The following SMYD3 variants were observed in gnomAD, a reference collection of about 807,000 sequenced individuals.
The protein encoded by SMYD3 is histone-lysine N-methyltransferase SMYD3.
SMYD3 carries 36 observed loss-of-function variants against 57.7 expected under a neutral mutation model. The ratio of observed to expected loss-of-function variants is 0.62; its 90% CI spans 0.48 to 0.82. The LOEUF (loss-of-function observed/expected upper bound fraction) is 0.82, where lower values mean the gene tolerates loss of function less well. Among genes scored for constraint, SMYD3 ranks in the 40% least tolerant of loss-of-function variants. The pLI is 0.00. For synonymous variants in SMYD3, 211 were observed against 195.0 expected (o/e 1.08, Z -0.68); for missense variants, 515 against 538.8 (o/e 0.96, Z 0.44).
intron 5 of SMYD3, among the ~76,000 whole-genome samples, chr1:246,031,655 T>G (rs1008056669): frequency 2.7e-5 from 4 of 150,740 alleles, no homozygotes; most frequent in African/African-American, 4.9e-5. Context: ...GAGAATCGCT[T>G]GAACCAGGGA....
chr1:245,993,579 AAGATAGATAGAT>A (rs1210624302), intron 5 of SMYD3, among the ~76,000 whole-genome samples: 394 of 30,080 alleles, frequency 0.013, 4 homozygotes, highest in African/African-American at 0.022. Context: ...AAAAAAAAAA[AAGATAGATAGAT>A]AGATAGATAG....
chr1:246,185,678 G>A (rs2062627801), intron 5 of SMYD3, among the ~76,000 whole-genome samples: 1 of 152,064 alleles, frequency 6.6e-6, no homozygotes, highest in Admixed American at 6.6e-5. Flanking sequence ...AGCCAGGATG[G>A]TCTCGATCTC....
At chr1:246,142,001 G>A (rs1007778052) in intron 5 of SMYD3, among the ~76,000 whole-genome samples, 30 of 152,320 alleles carry the variant, frequency 2.0e-4, no homozygotes, top group African/African-American at 6.7e-4. Context: ...TTGCTCAGAA[G>A]ATAGCAGTCA....
At chr1:246,367,453 T>C (rs1017047185) in intron 1 of SMYD3, among the ~76,000 whole-genome samples, 2 of 152,222 alleles carry the variant, frequency 1.3e-5, no homozygotes, top group African/African-American at 4.8e-5. Flanking sequence ...AACATGCTGT[T>C]TGCAGAGTGT....
intron 8 of SMYD3, among the ~76,000 whole-genome samples, chr1:245,893,723 T>C (rs2053545044): frequency 1.3e-5 from 2 of 149,028 alleles, no homozygotes. Flanking sequence ...ACGAAGGAAT[T>C]TGGGAGTGGT....
intron 5 of SMYD3, among the ~76,000 whole-genome samples, chr1:246,058,020 G>A (rs1288680317): frequency 2.6e-5 from 4 of 152,186 alleles, no homozygotes; most frequent in Admixed American, 6.5e-5. Flanking sequence ...GTATGATCCC[G>A]ATTATATAGC....
chr1:246,486,824 C>G (rs868537178), intron 1 of SMYD3, among the ~76,000 whole-genome samples: 2 of 152,200 alleles, frequency 1.3e-5, no homozygotes, highest in East Asian at 3.8e-4. Flanking sequence ...TCATCATACT[C>G]ATTCTCATTG....
chr1:245,795,339 T>C (rs1415332928), intron 10 of SMYD3, among the ~76,000 whole-genome samples: 1 of 152,228 alleles, frequency 6.6e-6, no homozygotes, highest in Non-Finnish European at 1.5e-5. Flanking sequence ...CCCATCATAG[T>C]GAGGATGTCC....
chr1:245,956,485 T>C (rs2057844648), intron 5 of SMYD3, among the ~76,000 whole-genome samples: 1 of 152,220 alleles, frequency 6.6e-6, no homozygotes, highest in African/African-American at 2.4e-5. Flanking sequence ...GTTGGGTGCC[T>C]ACCCCTAGCG....
chr1:245,897,640 A>T (rs2053910393), intron 8 of SMYD3, among the ~76,000 whole-genome samples: 1 of 152,162 alleles, frequency 6.6e-6, no homozygotes, highest in African/African-American at 2.4e-5. Flanking sequence ...CACACCTGTA[A>T]TCCCAGCACT....
At chr1:245,942,897 T>C (rs975136803) in intron 5 of SMYD3, among the ~76,000 whole-genome samples, 4 of 152,004 alleles carry the variant, frequency 2.6e-5, no homozygotes, top group African/African-American at 7.2e-5. Flanking sequence ...GGGTAAATAA[T>C]GAAATTGAGG....
intron 5 of SMYD3, among the ~76,000 whole-genome samples, chr1:246,079,516 T>C (rs2060602863): frequency 6.6e-6 from 1 of 152,264 alleles, no homozygotes; most frequent in Non-Finnish European, 1.5e-5. Context: ...TTTCTCTAAT[T>C]GTTGTACATG....
At chr1:246,252,912 A>C (rs2063819667) in intron 5 of SMYD3, among the ~76,000 whole-genome samples, 1 of 152,232 alleles carries the variant, frequency 6.6e-6, no homozygotes, top group African/African-American at 2.4e-5. Flanking sequence ...TATTTTCTTC[A>C]TTACACACTG....
chr1:245,926,335 A>C (rs555295357), intron 7 of SMYD3, among the ~76,000 whole-genome samples: 1 of 152,382 alleles, frequency 6.6e-6, no homozygotes, highest in East Asian at 1.9e-4. Context: ...GAATCAGGGG[A>C]AACACTGTTC....
At chr1:246,486,470 T>C (rs1374738115) in intron 1 of SMYD3, among the ~76,000 whole-genome samples, 3 of 152,232 alleles carry the variant, frequency 2.0e-5, no homozygotes, top group Non-Finnish European at 4.4e-5. Context: ...ATTTAATCTC[T>C]AAAATATTTA....
intron 5 of SMYD3, among the ~76,000 whole-genome samples, chr1:246,078,544 T>C (rs1156975447): frequency 6.6e-6 from 1 of 152,246 alleles, no homozygotes; most frequent in African/African-American, 2.4e-5. Flanking sequence ...TCCATCCATC[T>C]TTCAAGGTCA....
chr1:245,842,218 A>G (rs1203488118), intron 10 of SMYD3, among the ~76,000 whole-genome samples: 1 of 152,238 alleles, frequency 6.6e-6, no homozygotes, highest in Non-Finnish European at 1.5e-5. Flanking sequence ...TATTCAGAAA[A>G]GCATCTTTCA....
chr1:245,978,335 G>C (rs1279851446), intron 5 of SMYD3, among the ~76,000 whole-genome samples: 1 of 152,162 alleles, frequency 6.6e-6, no homozygotes, highest in Non-Finnish European at 1.5e-5. Context: ...ACTTTTCCTA[G>C]TGTGTGCAGG....
intron 5 of SMYD3, among the ~76,000 whole-genome samples, chr1:246,094,286 G>T (rs2060875721): frequency 6.6e-6 from 1 of 152,134 alleles, no homozygotes; most frequent in Non-Finnish European, 1.5e-5. Flanking sequence ...CTGTGCCGGG[G>T]ACTTTCCATA....
Sources: allele counts gnomAD v4.1 joint callset (sites outside exome capture counted in the v4.1 genomes callset), GRCh38; gene constraint gnomAD v4.1.1; transcripts MANE v1.5; gene names NCBI Gene and HGNC (gene_info 2026-07-23, HGNC 2026-07-21).